Variants in FUT9 observed in about 807,000 individuals in gnomAD.
FUT9 encodes the protein 4-galactosyl-N-acetylglucosaminide 3-alpha-L-fucosyltransferase 9.
A neutral mutation model predicts 29.7 loss-of-function variants in FUT9; 15 were observed. The ratio of observed to expected loss-of-function variants is 0.51; its 90% CI spans 0.34 to 0.78. FUT9 has a LOEUF of 0.78. FUT9 is among the 30% of genes least tolerant of loss of function. FUT9 has a pLI of 0.01. For missense variants in FUT9, 319 were observed against 425.4 expected (o/e 0.75, Z 2.20); for synonymous variants, 169 against 153.7 (o/e 1.10, Z -0.74).
At chr6:96,127,590 A>C (rs2127967613) in intron 2 of FUT9, among the ~76,000 whole-genome samples, 1 of 152,246 alleles carries the variant, frequency 6.6e-6, no homozygotes, top group South Asian at 2.1e-4. Flanking sequence ...GGTAATTTTA[A>C]GTTCTTTGAG....
intron 1 of FUT9, among the ~76,000 whole-genome samples, chr6:96,065,663 CTCCTTTGGGAT>C (rs1770950363): frequency 6.6e-6 from 1 of 152,040 alleles, no homozygotes; most frequent in Non-Finnish European, 1.5e-5. Context: ...ATAACATTTC[CTCCTTTGGGAT>C]ATGTATGTAG....
intron 2 of FUT9, among the ~76,000 whole-genome samples, chr6:96,122,879 T>C (rs1160629417): frequency 1.3e-5 from 2 of 151,714 alleles, no homozygotes; most frequent in Non-Finnish European, 2.9e-5. Context: ...ACCCCGTCTC[T>C]ACTAAAAATA....
rs545688517 is a variant in FUT9, at chr6:96,155,885, G to T, written c.-9+41758G>T. Among the ~76,000 whole-genome samples the T allele has an allele frequency of 2.0e-5, 3 of 152,216 alleles. No homozygotes were observed. In the East Asian group the frequency reaches 5.8e-4, roughly 29 times the overall value. On this transcript the variant is annotated intron_variant, in intron 2 of 2. Transcript: ENST00000302103. Reference sequence around the variant, plus strand: ...AACTGTGAGGAAATAAATTTCTGCTGCTTAATCTACCCAGTTTGTGGTATT... The same window carrying T: ...AACTGTGAGGAAATAAATTTCTGCTTCTTAATCTACCCAGTTTGTGGTATT...
At chr6:96,173,656 C>CCTTT (rs1377848835) in intron 2 of FUT9, among the ~76,000 whole-genome samples, 2 of 151,948 alleles carry the variant, frequency 1.3e-5, no homozygotes, top group African/African-American at 4.8e-5. Flanking sequence ...AATACTCTTA[C>CCTTT]ATCTGTCTTA....
chr6:96,031,224 C>T (rs1268262405), intron 1 of FUT9, among the ~76,000 whole-genome samples: 3 of 151,440 alleles, frequency 2.0e-5, no homozygotes, highest in Admixed American at 1.3e-4. Flanking sequence ...GCAATTTGAA[C>T]ATTTGAGTGT....
Position 96,072,138 on chromosome 6 carries a change from G to A in FUT9, c.-97-41901G>A, listed in dbSNP as rs575820970. Among the ~76,000 whole-genome samples, 3 of 152,286 alleles carry A rather than the reference G, an allele frequency of 2.0e-5. No homozygotes were observed. The East Asian group carries it at 5.8e-4, about 29-fold the overall frequency. ...TCTATTATAGACTCCATTTCTTAAT[G>A]AGAAACTAGGGGTTTAGAGATGTTA... is the stretch of plus-strand genomic sequence containing the variant. On this transcript the variant is annotated intron_variant, in intron 1 of 2. Coordinates refer to ENST00000302103, the MANE Select transcript of FUT9 (RefSeq NM_006581.4).
chr6:96,136,078 T>C (rs774868963), intron 2 of FUT9, among the ~76,000 whole-genome samples: 3 of 151,828 alleles, frequency 2.0e-5, no homozygotes, highest in East Asian at 1.9e-4. Context: ...TGATGGCTTA[T>C]AGATTGACTT....
chr6:96,042,386 A>C (rs1770477388), intron 1 of FUT9, among the ~76,000 whole-genome samples: 1 of 152,188 alleles, frequency 6.6e-6, no homozygotes, highest in Admixed American at 6.5e-5. Context: ...CCAGTTTTTC[A>C]ATTTTATTAT....
At chr6:96,145,012 T>C (rs142874371) in intron 2 of FUT9, among the ~76,000 whole-genome samples, 1 of 152,148 alleles carries the variant, frequency 6.6e-6, no homozygotes, top group Non-Finnish European at 1.5e-5. Flanking sequence ...TAGCTATTAG[T>C]AGACACATCC....
At chr6:96,120,198 T>C (rs1771995693) in intron 2 of FUT9, among the ~76,000 whole-genome samples, 1 of 151,878 alleles carries the variant, frequency 6.6e-6, no homozygotes, top group African/African-American at 2.4e-5. Flanking sequence ...TTTGTTTGCT[T>C]GTTTTGTTTT....
At chr6:96,185,348 G>A (rs771545104) in intron 2 of FUT9, among the ~76,000 whole-genome samples, 3 of 151,972 alleles carry the variant, frequency 2.0e-5, no homozygotes, top group South Asian at 4.1e-4. Context: ...AAATATCACA[G>A]CATTTCAATG....
chr6:96,060,399 T>C (rs1770852283), intron 1 of FUT9, among the ~76,000 whole-genome samples: 1 of 152,236 alleles, frequency 6.6e-6, no homozygotes, highest in Admixed American at 6.5e-5. Context: ...AGAACAATTA[T>C]TTTGAATTGT....
At chr6:96,190,574 A>T (rs1378000049) in intron 2 of FUT9, among the ~76,000 whole-genome samples, 1 of 152,132 alleles carries the variant, frequency 6.6e-6, no homozygotes, top group Non-Finnish European at 1.5e-5. Context: ...CTTTCCACAT[A>T]GTCCCATATT....
intron 1 of FUT9, among the ~76,000 whole-genome samples, chr6:96,100,657 T>C (rs762626637): frequency 6.6e-6 from 1 of 152,120 alleles, no homozygotes; most frequent in Non-Finnish European, 1.5e-5. Flanking sequence ...GGAGTGATGA[T>C]CGATAAGCCA....
chr6:96,058,257 T>C (rs1770810214), intron 1 of FUT9, among the ~76,000 whole-genome samples: 1 of 152,106 alleles, frequency 6.6e-6, no homozygotes, highest in Non-Finnish European at 1.5e-5. Flanking sequence ...CAAGCATTCA[T>C]TGTTCAAAGG....
At chr6:96,110,971 C>A (rs1771795419) in intron 1 of FUT9, among the ~76,000 whole-genome samples, 1 of 152,072 alleles carries the variant, frequency 6.6e-6, no homozygotes, top group Admixed American at 6.6e-5. Context: ...CCTGTTCTTT[C>A]TACATGATTT....
At chr6:96,047,892 G>A (rs749359947) in intron 1 of FUT9, among the ~76,000 whole-genome samples, 1 of 152,126 alleles carries the variant, frequency 6.6e-6, no homozygotes, top group African/African-American at 2.4e-5. Flanking sequence ...CTTAAAGCAA[G>A]GTAAGCTTAT....
chr6:96,139,761 G>C lies in FUT9; in HGVS notation c.-9+25634G>C, dbSNP rs143909671. Among the ~76,000 whole-genome samples the C allele has an allele frequency of 6.2e-4, 94 of 152,292 alleles. No individual in the cohort carries two copies. In the East Asian group the frequency reaches 0.016, roughly 26 times the overall value. On this transcript the variant is annotated intron_variant, in intron 2 of 2. Coordinates refer to ENST00000302103, the MANE Select transcript of FUT9 (RefSeq NM_006581.4). ...CTGAAGCAACAGCCTGAGTTGTACA[G>C]TGGCCCCTTTTAACCATGGCTGGAG... is the stretch of plus-strand genomic sequence containing the variant.
intron 1 of FUT9, among the ~76,000 whole-genome samples, chr6:96,050,086 A>C (rs1770637926): frequency 1.3e-5 from 2 of 152,102 alleles, no homozygotes; most frequent in African/African-American, 4.8e-5. Flanking sequence ...GCCTATGTTC[A>C]TTTCACATCT....
Sources: allele counts gnomAD v4.1 joint callset (sites outside exome capture counted in the v4.1 genomes callset), GRCh38; gene constraint gnomAD v4.1.1; transcripts MANE v1.5; gene names NCBI Gene and HGNC (gene_info 2026-07-23, HGNC 2026-07-21).